The following SLCO3A1 variants were observed in gnomAD, a reference collection of about 807,000 sequenced individuals.
SLCO3A1 encodes solute carrier organic anion transporter family member 3A1.
SLCO3A1 carries 27 observed loss-of-function variants against 63.1 expected under a neutral mutation model. The observed-to-expected ratio is 0.43, with a 90% CI of 0.32 to 0.59. The LOEUF is 0.59. Among genes scored for constraint, SLCO3A1 ranks in the 20% least tolerant of loss-of-function variants. SLCO3A1 has a pLI of 0.09. For synonymous variants in SLCO3A1, 473 were observed against 409.9 expected, an observed-to-expected ratio of 1.15 and a Z score of -1.86; for missense variants, 773 against 945.8, an observed-to-expected ratio of 0.82 and a Z score of 2.40.
chr15:92,135,827 T>C (rs532319268), intron 7 of SLCO3A1, among the ~76,000 whole-genome samples: 4 of 152,170 alleles, frequency 2.6e-5, no homozygotes, highest in Non-Finnish European at 5.9e-5. Flanking sequence ...AGGAAGAGCA[T>C]GGCCTGTGGT....
chr15:91,986,797 G>A (rs1343042973), intron 2 of SLCO3A1, among the ~76,000 whole-genome samples: 1 of 152,176 alleles, frequency 6.6e-6, no homozygotes, highest in Admixed American at 6.5e-5. Context: ...TTTTGATTTT[G>A]TTATGAAGAT....
Position 91,885,073 on chromosome 15 carries a change from C to T in SLCO3A1, c.181-30920C>T, listed in dbSNP as rs1897689375. ...TCTTGTTCCTTTAGAAGTAAAAAGCCTTTCCGTCCCATATAGGGACACAGA... is the reference window on the plus strand; with the variant it reads ...TCTTGTTCCTTTAGAAGTAAAAAGCTTTTCCGTCCCATATAGGGACACAGA... On this transcript the variant is annotated intron_variant, in intron 1 of 9. Coordinates refer to ENST00000318445, the MANE Select transcript of SLCO3A1 (RefSeq NM_013272.4). This position sits in a 1 kb window ranked among gnomAD's most constrained non-coding sequence, Gnocchi z 4.7. Among the ~76,000 whole-genome samples the T allele has an allele frequency of 1.3e-5, 2 of 152,120 alleles. No individual in the cohort carries two copies. Among genetic ancestry groups the T allele is most frequent in the South Asian group, 2.1e-4 (1 of 4,830 alleles).
intron 2 of SLCO3A1, among the ~76,000 whole-genome samples, chr15:92,040,082 C>A (rs1220057940): frequency 6.6e-6 from 1 of 152,028 alleles, no homozygotes; most frequent in Non-Finnish European, 1.5e-5. Flanking sequence ...AGCATTAGGA[C>A]AAATAGTTAA....
At chr15:92,122,327 C>G (rs2047872506) in intron 5 of SLCO3A1, among the ~76,000 whole-genome samples, 1 of 152,178 alleles carries the variant, frequency 6.6e-6, no homozygotes, top group South Asian at 2.1e-4. Context: ...GTCAGATTGT[C>G]TGCTGAGAGG....
At chr15:91,924,997 G>T (rs1021792244) in intron 2 of SLCO3A1, among the ~76,000 whole-genome samples, 3 of 152,198 alleles carry the variant, frequency 2.0e-5, no homozygotes, top group African/African-American at 7.2e-5. Flanking sequence ...GAAGAAAGGT[G>T]AAAGTCCATG....
chr15:91,963,222 G>A (rs1900517304), intron 2 of SLCO3A1, among the ~76,000 whole-genome samples: 1 of 152,152 alleles, frequency 6.6e-6, no homozygotes, highest in Non-Finnish European at 1.5e-5. Flanking sequence ...CAAGATGCTT[G>A]GTGGGCTTTT....
downstream of SLCO3A1, among the ~76,000 whole-genome samples, chr15:92,170,329 T>G (rs2048514621): frequency 6.6e-6 from 1 of 152,160 alleles, no homozygotes; most frequent in Admixed American, 6.5e-5. Flanking sequence ...GCTCATGTTT[T>G]TATTAAGCAC....
chr15:92,147,212 G>A, intron 8 of SLCO3A1, 53 bp downstream of exon 8: 1 of 1,545,178 alleles, frequency 6.5e-7, no homozygotes, highest in Non-Finnish European at 8.8e-7. Context: ...GTGTTCATCT[G>A]CAGGCCTCCT....
At chr15:91,960,958 C>T (rs563954506) in intron 2 of SLCO3A1, among the ~76,000 whole-genome samples, 2 of 152,276 alleles carry the variant, frequency 1.3e-5, no homozygotes, top group African/African-American at 4.8e-5. Flanking sequence ...AATGCTCCAC[C>T]TGTAGCCTGA....
At chr15:92,090,253 G>T (rs1053579399) in intron 2 of SLCO3A1, among the ~76,000 whole-genome samples, 8 of 152,150 alleles carry the variant, frequency 5.3e-5, no homozygotes, top group African/African-American at 1.7e-4. Flanking sequence ...GACACCATAG[G>T]CTACCTTGGG....
At chr15:92,045,774 C>G (rs1410939177) in intron 2 of SLCO3A1, among the ~76,000 whole-genome samples, 3 of 152,216 alleles carry the variant, frequency 2.0e-5, no homozygotes, top group African/African-American at 7.2e-5. Flanking sequence ...GTGCCAGCAT[C>G]TATACTCAGT....
chr15:91,926,759 C>T (rs115365448), intron 2 of SLCO3A1, among the ~76,000 whole-genome samples: 6,334 of 152,114 alleles, frequency 0.042, 482 homozygotes, highest in African/African-American at 0.14. Flanking sequence ...TCGTTGGCTG[C>T]TTGAAGCTAA....
downstream of SLCO3A1, among the ~76,000 whole-genome samples, chr15:92,168,460 A>T (rs553463729): frequency 3.3e-5 from 5 of 152,348 alleles, no homozygotes; most frequent in African/African-American, 1.2e-4. Context: ...CATAGACAAC[A>T]GGTGAACCAA....
intron 2 of SLCO3A1, among the ~76,000 whole-genome samples, chr15:92,047,601 ATATATATATAATATATAAAT>A (rs2046903132): frequency 2.4e-5 from 1 of 41,902 alleles, no homozygotes; most frequent in African/African-American, 6.8e-5. Context: ...ATAATATATA[ATATATATATAATATATAAAT>A]ATATATATAA....
Position 91,957,048 on chromosome 15 carries a change from T to TA in SLCO3A1, c.646+40591dup, listed in dbSNP as rs1900233457. The stretch of plus-strand genomic sequence containing the variant: ...TATAATATATAATATATAGTATATA[T>TA]ATAATATATACTATATATTATATAT... On this transcript the variant is annotated intron_variant, in intron 2 of 9. Transcript: ENST00000318445. 3.0e-3 allele frequency among the ~76,000 whole-genome samples: 73 copies of TA among 24,634 alleles called. 29 individuals are homozygous for TA. Among genetic ancestry groups the TA allele is most frequent in the South Asian group, 7.4e-3 (8 of 1,080 alleles). 16.2% of individuals were successfully genotyped at this position (24,634 alleles called of 152,430 possible).
chr15:91,957,884 A>C (rs1900296606), intron 2 of SLCO3A1, among the ~76,000 whole-genome samples: 1 of 152,188 alleles, frequency 6.6e-6, no homozygotes, highest in Non-Finnish European at 1.5e-5. Context: ...CTATATTCCC[A>C]GTGCATAAAG....
intron 2 of SLCO3A1, among the ~76,000 whole-genome samples, chr15:92,011,213 T>C (rs2046365243): frequency 6.6e-6 from 1 of 152,216 alleles, no homozygotes; most frequent in Non-Finnish European, 1.5e-5. Context: ...CTGGGACGCT[T>C]TCTCTCAGAT....
intron 2 of SLCO3A1, among the ~76,000 whole-genome samples, chr15:92,016,690 A>G (rs1174598366): frequency 1.3e-5 from 2 of 152,236 alleles, no homozygotes; most frequent in African/African-American, 4.8e-5. Context: ...AATGAATTCC[A>G]GAGAGTTATC....
At chr15:92,061,822 T>TGGA (rs2047089424) in intron 2 of SLCO3A1, among the ~76,000 whole-genome samples, 1 of 151,242 alleles carries the variant, frequency 6.6e-6, no homozygotes, top group Non-Finnish European at 1.5e-5. Flanking sequence ...GGTTTGTTTG[T>TGGA]GGATGCACAT....
Sources: allele counts gnomAD v4.1 joint callset (sites outside exome capture counted in the v4.1 genomes callset), GRCh38; gene constraint gnomAD v4.1.1; non-coding constraint Gnocchi (gnomAD v3.1); transcripts MANE v1.5; gene names NCBI Gene and HGNC (gene_info 2026-07-23, HGNC 2026-07-21).